The following POLRMT variants were observed in gnomAD, a reference collection of about 807,000 sequenced individuals.
POLRMT encodes DNA-directed RNA polymerase, mitochondrial.
A neutral mutation model predicts 132.2 loss-of-function variants in POLRMT; 114 were observed. The observed-to-expected ratio is 0.86, with a 90% CI of 0.74 to 1.01. POLRMT has a LOEUF of 1.01. Among genes scored for constraint, POLRMT ranks in the 50% least tolerant of loss-of-function variants. POLRMT has a pLI of 0.00. For synonymous variants in POLRMT, 1,020 were observed against 773.4 expected, an observed-to-expected ratio of 1.32 and a Z score of -5.29; for missense variants, 2,003 against 1,729.1, an observed-to-expected ratio of 1.16 and a Z score of -2.81.
chr19:623,026 G>T (rs1461696495), intron 6 of POLRMT, 41 bp from the exon 7 acceptor site: 1 of 1,601,194 alleles, frequency 6.2e-7, no homozygotes. Flanking sequence ...CGTGGCAGCT[G>T]GTGGGACCCA....
At position 621,316 on chromosome 19, in the gene POLRMT, G is replaced by A. The variant is rs766343195; in HGVS notation, c.2382C>T (p.Phe794=). The change falls in exon 10 of 21, where the codon TTC becomes TTT. Residue 794 remains phenylalanine (F), a synonymous_variant. Coordinates refer to ENST00000588649, the MANE Select transcript of POLRMT (RefSeq NM_005035.4). The part of the protein sequence containing the change: ...SLAQHLRDRV[F]WLPHNMDFRG... ...GGAAGTCCATGTTGTGCGGCAGCCA[G>A]AAGACGCGGTCCCGCAGGTGCTGCG... 3.8e-6 allele frequency: 6 copies of A among 1,597,350 alleles called. No individual in the cohort carries two copies. The African/African-American group carries it at 4.0e-5, about 11-fold the overall frequency.
intron 9 of POLRMT, 110 bp downstream of exon 9, chr19:622,039 G>A (rs1568168454): frequency 2.5e-6 from 3 of 1,195,796 alleles, no homozygotes; most frequent in Non-Finnish European, 3.4e-6. Context: ...GTCCTGGGAG[G>A]TACTGACGGC....
At chr19:619,928 G>C in intron 12 of POLRMT, 30 bp downstream of exon 12, 1 of 1,599,446 alleles carries the variant, frequency 6.3e-7, no homozygotes, top group Non-Finnish European at 8.5e-7. Flanking sequence ...CCCACGCCGA[G>C]ATGCCCCCGG....
rs762080701 is a variant in POLRMT at position 620,375 on chromosome 19, G to A, written c.2753C>T (p.Pro918Leu). ...ACCCAGCTGGCTCACCTGATGGACG[G>A]GGAGGTGGGAGACATAGGCGGCAGG... ...SDPAAYVSHL[P>L]VHQDGSCNGL... is the part of the protein sequence containing the mutation. Residue 918 changes from proline to leucine, a missense_variant, in exon 11 of 21, where the codon CCC (proline) becomes CTC (leucine). By Grantham distance (98) the Pro-to-Leu change is moderately conservative (BLOSUM62 -3). Transcript: ENST00000588649. The A allele has an allele frequency of 1.8e-5, 28 of 1,577,798 alleles. No homozygotes were observed. The highest frequency in any genetic ancestry group is 2.4e-5 in the Non-Finnish European group (28 of 1,162,910).
rs949604526 is a variant in POLRMT at position 623,680 on chromosome 19, G to C, written c.1141-77C>G. 2.0e-6 allele frequency: 3 copies of C among 1,517,540 alleles called. No homozygotes were observed. In the East Asian group the frequency reaches 6.8e-5, roughly 35 times the overall value. 94.0% of individuals were successfully genotyped at this position (1,517,540 alleles called of 1,614,324 possible). ...CTCCCAGGACCCCGAGACAGCATGGGTGCACGCGTTTCTGCGTCTCCTGCA... is the reference window on the plus strand; with the variant it reads ...CTCCCAGGACCCCGAGACAGCATGGCTGCACGCGTTTCTGCGTCTCCTGCA... On this transcript the variant is annotated intron_variant, in intron 5 of 20. Transcript: ENST00000588649.
chr19:630,121 C>A lies in POLRMT; in HGVS notation c.241G>T (p.Val81Leu). 6.2e-7 allele frequency: 1 copy of A among 1,611,700 alleles called. No homozygotes were observed. Among genetic ancestry groups the A allele is most frequent in the Non-Finnish European group, 8.5e-7 (1 of 1,178,732 alleles). ...RQLQAESVSE[V>L]VVNRVDVARL... ...GCCACATCCACCCTGTTCACCACCACCTCCGACACGCTCTCAGCCTGCAGC... is the reference window on the plus strand; with the variant it reads ...GCCACATCCACCCTGTTCACCACCAACTCCGACACGCTCTCAGCCTGCAGC... Residue 81 changes from valine (V) to leucine (L), a missense_variant, in exon 3 of 21, where the codon GTG (valine) becomes TTG (leucine). By Grantham distance (32) the Val-to-Leu change is conservative (BLOSUM62 1). Coordinates refer to ENST00000588649, the MANE Select transcript of POLRMT (RefSeq NM_005035.4).
rs754279298 is a variant in POLRMT at position 617,305 on chromosome 19, T to A, written c.3662A>T (p.Gln1221Leu). The change falls in exon 21 of 21, where the codon CAG becomes CTG. Residue 1221 changes from glutamine (Q) to leucine (L), a missense_variant. Transcript: ENST00000588649. ...GAAGAAGTAGGTGGAACGCTTCACCTGCTCCAGGTCGAAGGCCCCTGCGGA... is the reference window on the plus strand; with the variant it reads ...GAAGAAGTAGGTGGAACGCTTCACCAGCTCCAGGTCGAAGGCCCCTGCGGA... ...VPKPGAFDLE[Q>L]VKRSTYFFS The A allele has an allele frequency of 6.2e-7, 1 of 1,612,786 alleles. No homozygotes were observed. The highest frequency in any genetic ancestry group is 1.3e-5 in the African/African-American group (1 of 74,922).
intron 5 of POLRMT, among the ~76,000 whole-genome samples, chr19:624,071 G>C (rs1555676277): frequency 2.0e-5 from 3 of 152,252 alleles, no homozygotes; most frequent in Non-Finnish European, 2.9e-5. Context: ...TCGATAAGTA[G>C]AAACAGCCCA....
intron 10 of POLRMT, among the ~76,000 whole-genome samples, chr19:620,843 C>T (rs1425825456): frequency 2.1e-5 from 2 of 97,228 alleles, no homozygotes; most frequent in East Asian, 3.2e-4. Flanking sequence ...AGAAGCAGGA[C>T]GGGCAGGGGG....
chr19:625,888 A>G (rs938967332), intron 3 of POLRMT, among the ~76,000 whole-genome samples: 3 of 151,870 alleles, frequency 2.0e-5, no homozygotes, highest in African/African-American at 7.3e-5. Context: ...TTCTTAGCAG[A>G]TACGGGGTTT....
At position 633,529 on chromosome 19, in the gene POLRMT, G is replaced by GGGGCCGCCGCCGCC; in HGVS notation, c.-18_-17insGGCGGCGGCGGCCC. Reference sequence around the variant, plus strand: ...TGCCGACATTACGCACGCCGCTCCAGGCCACCCCACCGGCCCGCGCCTGCG... The same window carrying GGGGCCGCCGCCGCC: ...TGCCGACATTACGCACGCCGCTCCAGGGGCCGCCGCCGCCGCCACCCCACCGGCCCGCGCCTGCG... On this transcript the variant is annotated 5_prime_UTR_variant, in exon 1 of 21. Coordinates refer to ENST00000588649, the MANE Select transcript of POLRMT (RefSeq NM_005035.4). The GGGGCCGCCGCCGCC allele has an allele frequency of 7.5e-6, 11 of 1,463,692 alleles. No homozygotes were observed. The highest frequency in any genetic ancestry group is 3.0e-5 in the African/African-American group (2 of 66,424). 90.7% of individuals were successfully genotyped at this position (1,463,692 alleles called of 1,614,324 possible).
chr19:620,907 GAGGAGGAAGACGGGCA>G, intron 10 of POLRMT, 135 bp downstream of exon 10: 44 of 136,066 alleles, frequency 3.2e-4, no homozygotes, highest in South Asian at 1.4e-3. Flanking sequence ...AGGGGGAGGG[GAGGAGGAAGACGGGCA>G]GGGGGCGCCA....
chr19:631,338 AGGG>A (rs58594494), intron 2 of POLRMT, among the ~76,000 whole-genome samples: 1 of 113,360 alleles, frequency 8.8e-6, no homozygotes, highest in Non-Finnish European at 1.8e-5. Flanking sequence ...AAAAAAAAAA[AGGG>A]GGGGGGGGAC....
Position 621,089 on chromosome 19 carries a change from T to A in POLRMT, c.2609A>T (p.Asp870Val). 6.2e-7 allele frequency: 1 copy of A among 1,605,894 alleles called. No individual in the cohort carries two copies. The highest frequency in any genetic ancestry group is 8.5e-7 in the Non-Finnish European group (1 of 1,177,478). The change falls in exon 10 of 21, where the codon GAC becomes GTC. Residue 870 changes from aspartate to valine, a missense_variant. Physicochemically the swap from Asp to Val is radical, Grantham distance 152. Transcript: ENST00000588649. ...GGGTTGGTCCGCGGAGTCCAGGATG[T>A]CATCCATCACCTCCTCCGCAAAGGC... ...RLAFAEEVMD[D>V]ILDSADQPLT...
rs754117745 is a variant in POLRMT, at chr19:620,014, C to G, written c.2830G>C (p.Val944Leu). Residue 944 changes from valine to leucine, a missense_variant, in exon 12 of 21, where the codon GTC becomes CTC. Coordinates refer to ENST00000588649, the MANE Select transcript of POLRMT (RefSeq NM_005035.4). ...GGCACATCCGAGGGCTCCAGGTTGA[C>G]GGAGGCGGCGCCCACGCTGTCGCGG... ...LGRDSVGAAS[V>L]NLEPSDVPQD... The G allele has an allele frequency of 5.1e-6, 8 of 1,580,856 alleles. No individual in the cohort carries two copies. Among genetic ancestry groups the G allele is most frequent in the Admixed American group, 3.6e-5 (2 of 55,918 alleles).
rs1000308483 is a variant in POLRMT at position 618,111 on chromosome 19, C to T, written c.3423-262G>A. The T allele has an allele frequency of 7.5e-5, 43 of 569,738 alleles. No homozygotes were observed. The East Asian group carries it at 9.9e-4, about 13-fold the overall frequency. The allele number at this position is 569,738 out of a possible 1,614,324, so 35.3% of individuals were successfully genotyped here. A position where few individuals can be genotyped will look rare whatever the true frequency, so the allele number is the denominator to read the frequency against. Reference sequence around the variant, plus strand: ...GCTGTGGGAGCCTCAGCTCCGAGGGCGGCTACGAGGTCCCCTCCTGCCAGG... The same window carrying T: ...GCTGTGGGAGCCTCAGCTCCGAGGGTGGCTACGAGGTCCCCTCCTGCCAGG... On this transcript the variant is annotated intron_variant, in intron 17 of 20. Transcript: ENST00000588649.
At chr19:632,643 G>C (rs1985507107) in intron 2 of POLRMT, among the ~76,000 whole-genome samples, 191 bp downstream of exon 2, 1 of 152,200 alleles carries the variant, frequency 6.6e-6, no homozygotes, top group Non-Finnish European at 1.5e-5. Context: ...GCTCCAGGAA[G>C]GAGCCTGCTC....
rs747979468 is a variant in POLRMT at position 633,533 on chromosome 19, A to T, written c.-21T>A. 1 of 657,038 alleles carries T rather than the reference A, an allele frequency of 1.5e-6. No individual in the cohort carries two copies. 40.7% of individuals were successfully genotyped at this position (657,038 alleles called of 1,614,324 possible). ...GACATTACGCACGCCGCTCCAGGCC[A>T]CCCCACCGGCCCGCGCCTGCGCATG... On this transcript the variant is annotated 5_prime_UTR_variant, in exon 1 of 21. Coordinates refer to ENST00000588649, the MANE Select transcript of POLRMT (RefSeq NM_005035.4).
intron 17 of POLRMT, 194 bp from the exon 18 acceptor site, chr19:618,043 T>G (rs1273352466): frequency 6.9e-6 from 4 of 583,116 alleles, no homozygotes; most frequent in Non-Finnish European, 9.2e-6. Flanking sequence ...GGAGGAAATG[T>G]TCCCAGAAGC....
Sources: allele counts gnomAD v4.1 joint callset (sites outside exome capture counted in the v4.1 genomes callset), GRCh38; gene constraint gnomAD v4.1.1; transcripts MANE v1.5; gene names NCBI Gene and HGNC (gene_info 2026-07-23, HGNC 2026-07-21).